Variants in PXYLP1 observed in about 807,000 individuals in gnomAD.
PXYLP1 encodes the protein acid phosphatase-like 2.
A neutral mutation model predicts 37.9 loss-of-function variants in PXYLP1; 17 were observed. The observed-to-expected ratio is 0.45, with a 90% CI of 0.31 to 0.67. The LOEUF (loss-of-function observed/expected upper bound fraction) is 0.67. PXYLP1 is among the 30% of genes least tolerant of loss of function. PXYLP1 has a pLI of 0.07. For synonymous variants in PXYLP1, 221 were observed against 232.2 expected (o/e 0.95, Z 0.44); for missense variants, 511 against 612.0 (o/e 0.84, Z 1.74).
chr3:141,260,030 A>G (rs777688589), intron 1 of PXYLP1, 93 bp from the exon 2 acceptor site: 15 of 862,524 alleles, frequency 1.7e-5, no homozygotes, highest in Admixed American at 4.4e-5. Context: ...GGCTAATCAG[A>G]TTATTATCAG....
At chr3:141,237,187 GT>G (rs765065276) in intron 1 of PXYLP1, among the ~76,000 whole-genome samples, 37 of 152,166 alleles carry the variant, frequency 2.4e-4, no homozygotes, top group Non-Finnish European at 3.8e-4. Flanking sequence ...TGGTTACATA[GT>G]TTTTTGAAAA....
At chr3:141,235,535 G>C (rs1357776946) in intron 1 of PXYLP1, 1 of 152,194 alleles carries the variant, frequency 6.6e-6, no homozygotes. Context: ...CTCACCTGAG[G>C]TGCTGAGGGG....
chr3:141,245,315 C>A (rs1011832501), intron 1 of PXYLP1, among the ~76,000 whole-genome samples: 2 of 152,094 alleles, frequency 1.3e-5, no homozygotes, highest in African/African-American at 4.8e-5. Flanking sequence ...AATCCACACG[C>A]CTTGGCCTCC....
intron 1 of PXYLP1, among the ~76,000 whole-genome samples, chr3:141,248,648 TATACACAC>T (rs1349917371): frequency 1.8e-5 from 2 of 110,660 alleles, no homozygotes; most frequent in African/African-American, 7.7e-5. Context: ...CACGTGTATA[TATACACAC>T]GTATATATAC....
chr3:141,255,471 T>C (rs1559884169), intron 1 of PXYLP1, among the ~76,000 whole-genome samples: 1 of 152,194 alleles, frequency 6.6e-6, no homozygotes, highest in African/African-American at 2.4e-5. Flanking sequence ...ACTTGAGAGA[T>C]GTTTGGGGAT....
At chr3:141,285,979 G>A (rs1942067194) in intron 4 of PXYLP1, among the ~76,000 whole-genome samples, 1 of 151,894 alleles carries the variant, frequency 6.6e-6, no homozygotes, top group Admixed American at 6.6e-5. Context: ...GCTTTATGTT[G>A]TTGATAGATA....
intron 4 of PXYLP1, among the ~76,000 whole-genome samples, chr3:141,282,294 A>G (rs1941973159): frequency 6.6e-6 from 1 of 152,060 alleles, no homozygotes; most frequent in South Asian, 2.1e-4. Context: ...GGCTCTTCCC[A>G]CAGAAAGCTT....
At chr3:141,279,675 CG>C (rs2148816918) in intron 4 of PXYLP1, among the ~76,000 whole-genome samples, 171 bp downstream of exon 4, 1 of 152,338 alleles carries the variant, frequency 6.6e-6, no homozygotes, top group Admixed American at 6.5e-5. Context: ...CCCACAGAGG[CG>C]GGGACACCTG....
chr3:141,236,336 C>T (rs936501985), intron 1 of PXYLP1: 2 of 152,206 alleles, frequency 1.3e-5, no homozygotes, highest in African/African-American at 4.8e-5. Flanking sequence ...CCAGCTTCCT[C>T]AGAAAGAGCT....
intron 2 of PXYLP1, among the ~76,000 whole-genome samples, chr3:141,263,381 T>C (rs927699109): frequency 7.2e-5 from 11 of 152,386 alleles, no homozygotes; most frequent in African/African-American, 2.2e-4. Context: ...TTCAAGTCTT[T>C]AATGTTTTGT....
chr3:141,282,483 A>AAGAC (rs1941976800), intron 4 of PXYLP1, among the ~76,000 whole-genome samples: 2 of 147,524 alleles, frequency 1.4e-5, no homozygotes, highest in African/African-American at 5.0e-5. Context: ...AACCCAGACA[A>AAGAC]ACACACACAC....
At chr3:141,283,070 G>T (rs890578836) in intron 4 of PXYLP1, among the ~76,000 whole-genome samples, 1 of 151,856 alleles carries the variant, frequency 6.6e-6, no homozygotes. Context: ...AGGTTCAAGC[G>T]ATTCTCCTGC....
intron 4 of PXYLP1, among the ~76,000 whole-genome samples, chr3:141,280,562 T>G (rs541208691): frequency 6.6e-6 from 1 of 152,370 alleles, no homozygotes; most frequent in African/African-American, 2.4e-5. Flanking sequence ...TATGCATAGT[T>G]ACTTAATGTC....
chr3:141,252,485 G>C (rs1339448475), intron 1 of PXYLP1, among the ~76,000 whole-genome samples: 3 of 152,280 alleles, frequency 2.0e-5, no homozygotes, highest in Non-Finnish European at 4.4e-5. Flanking sequence ...GCGGGAGCAA[G>C]AGAGAGAAAG....
Position 141,260,173 on chromosome 3 carries a change from A to T in PXYLP1, c.-3A>T. The T allele has an allele frequency of 6.2e-7, 1 of 1,614,034 alleles. No individual in the cohort carries two copies. The highest frequency in any genetic ancestry group is 8.5e-7 in the Non-Finnish European group (1 of 1,180,040). ...CCATGAAGAGAAAATAGAATACTTAATAATGCTTTTCCGCAACCGCTTCTT... is the reference window on the plus strand; with the variant it reads ...CCATGAAGAGAAAATAGAATACTTATTAATGCTTTTCCGCAACCGCTTCTT... On this transcript the variant is annotated 5_prime_UTR_variant, in exon 2 of 6. Transcript: ENST00000286353.
chr3:141,270,974 C>G, intron 2 of PXYLP1, among the ~76,000 whole-genome samples: 1 of 152,246 alleles, frequency 6.6e-6, no homozygotes, highest in Non-Finnish European at 1.5e-5. Flanking sequence ...CACTGCAGCC[C>G]CGAACTCCTG....
rs1940517506 is a variant in PXYLP1 at position 141,231,860 on chromosome 3, G to T, written c.-105G>T. 6.6e-6 allele frequency: 1 copy of T among 150,910 alleles called. No individual in the cohort carries two copies. Among genetic ancestry groups the T allele is most frequent in the African/African-American group, 2.4e-5 (1 of 41,264 alleles). 9.3% of individuals were successfully genotyped at this position (150,910 alleles called of 1,614,324 possible). ...GCGCCGGGAGGAGCTGGCGGCGAGC[G>T]CCGAGCCGGGCGCGCAGCGACGGAG... On this transcript the variant is annotated 5_prime_UTR_variant, in exon 1 of 6. Transcript: ENST00000286353. This position sits in a 1 kb window ranked among gnomAD's most constrained non-coding sequence, Gnocchi z 4.4.
chr3:141,273,684 G>C (rs1941722370), intron 2 of PXYLP1: 1 of 985,272 alleles, frequency 1.0e-6, no homozygotes, highest in Non-Finnish European at 1.2e-6. Flanking sequence ...TACACATGAG[G>C]GTTATAGATG....
chr3:141,277,145 T>C (rs1372496494), intron 2 of PXYLP1, among the ~76,000 whole-genome samples: 4 of 152,232 alleles, frequency 2.6e-5, no homozygotes, highest in Non-Finnish European at 2.9e-5. Context: ...TCTTTGTTTA[T>C]GGCATCTGTT....
Sources: allele counts gnomAD v4.1 joint callset (sites outside exome capture counted in the v4.1 genomes callset), GRCh38; gene constraint gnomAD v4.1.1; non-coding constraint Gnocchi (gnomAD v3.1); transcripts MANE v1.5; gene names NCBI Gene and HGNC (gene_info 2026-07-23, HGNC 2026-07-21).